Variants in DOCK10 observed in about 807,000 individuals in gnomAD.
The protein encoded by DOCK10 is dedicator of cytokinesis protein 10.
Under a neutral mutation model 280.1 loss-of-function variants are expected in DOCK10, and 145 were observed. The observed-to-expected ratio is 0.52, with a 90% CI of 0.45 to 0.59. The LOEUF is 0.59. DOCK10 is among the 20% of genes least tolerant of loss of function. DOCK10 has a pLI of 0.00. For missense variants in DOCK10, 2,368 were observed against 2,651.7 expected (o/e 0.89, Z 2.35); for synonymous variants, 915 against 942.2 (o/e 0.97, Z 0.53).
In DOCK10 at chr2:224,916,678, G is replaced by C. The variant is rs1575052510; in HGVS notation, c.333+17C>G. The C allele has an allele frequency of 1.3e-6, 2 of 1,577,748 alleles. No individual in the cohort carries two copies. Among genetic ancestry groups the C allele is most frequent in the East Asian group, 2.3e-5 (1 of 44,324 alleles). On this transcript the variant is annotated intron_variant, in intron 3 of 55. Coordinates refer to ENST00000258390, the MANE Select transcript of DOCK10 (RefSeq NM_014689.3). ...AGCAAAAGCCTTAAAATAAAGCATT[G>C]GAAGCATCACATTTACCTCCTTAAC... is the stretch of plus-strand genomic sequence containing the variant.
chr2:224,840,264 C>G (rs552774392), intron 23 of DOCK10, 192 bp from the exon 24 acceptor site: 36 of 479,688 alleles, frequency 7.5e-5, no homozygotes, highest in African/African-American at 6.7e-4. Flanking sequence ...AATGGCATAT[C>G]AAACTAAAAG....
intron 1 of DOCK10, among the ~76,000 whole-genome samples, chr2:224,984,311 A>T (rs528036789): frequency 3.3e-5 from 5 of 152,286 alleles, no homozygotes; most frequent in African/African-American, 1.2e-4. Context: ...TTCACATCCT[A>T]AACTCCTCTC....
At chr2:224,849,696 A>G in intron 18 of DOCK10, 97 bp from the exon 19 acceptor site, 3 of 796,706 alleles carry the variant, frequency 3.8e-6, no homozygotes, top group Non-Finnish European at 6.2e-6. Flanking sequence ...CCCTGGGACA[A>G]TGGCAAACTT....
intron 1 of DOCK10, among the ~76,000 whole-genome samples, chr2:224,964,045 T>G (rs750390579): frequency 1.3e-5 from 2 of 152,030 alleles, no homozygotes; most frequent in Non-Finnish European, 2.9e-5. Flanking sequence ...CATGTTATAT[T>G]TTCGAAATAC....
At chr2:224,942,159 G>T (rs111870537) in intron 1 of DOCK10, among the ~76,000 whole-genome samples, 67 of 152,288 alleles carry the variant, frequency 4.4e-4, no homozygotes, top group African/African-American at 1.6e-3. Flanking sequence ...GCTAGGGAAA[G>T]GAAGACCATT....
At chr2:225,025,938 T>C (rs1401033672) in intron 1 of DOCK10, among the ~76,000 whole-genome samples, 1 of 152,086 alleles carries the variant, frequency 6.6e-6, no homozygotes, top group Admixed American at 6.5e-5. Flanking sequence ...ACTAAATAAT[T>C]ACAATAAAAA....
At chr2:224,826,854 T>G (rs1332759268) in intron 27 of DOCK10, among the ~76,000 whole-genome samples, 2 of 152,042 alleles carry the variant, frequency 1.3e-5, no homozygotes, top group Admixed American at 1.3e-4. Flanking sequence ...TCCCAGCTAC[T>G]AGGGATGCTG....
intron 1 of DOCK10, among the ~76,000 whole-genome samples, chr2:224,968,415 C>T (rs1209592632): frequency 6.6e-6 from 1 of 152,230 alleles, no homozygotes; most frequent in African/African-American, 2.4e-5. Flanking sequence ...CAGTTCTCAT[C>T]TCCTGCAACC....
chr2:224,879,755 T>C (rs1698867825), intron 7 of DOCK10, among the ~76,000 whole-genome samples: 1 of 151,246 alleles, frequency 6.6e-6, no homozygotes, highest in East Asian at 1.9e-4. Context: ...CGAGTCTCTG[T>C]CTCAAAATAA....
intron 1 of DOCK10, among the ~76,000 whole-genome samples, chr2:224,972,979 A>G (rs1705182863): frequency 6.6e-6 from 1 of 152,212 alleles, no homozygotes; most frequent in African/African-American, 2.4e-5. Flanking sequence ...TCTCATAAAT[A>G]AGCTAACTTT....
At chr2:224,809,053 A>G (rs1216479524) in intron 31 of DOCK10, among the ~76,000 whole-genome samples, 4 of 152,110 alleles carry the variant, frequency 2.6e-5, no homozygotes, top group African/African-American at 7.2e-5. Context: ...GACACTGCCA[A>G]ATTTTGAGCC....
At chr2:224,968,919 A>G (rs1444120791) in intron 1 of DOCK10, among the ~76,000 whole-genome samples, 1 of 152,222 alleles carries the variant, frequency 6.6e-6, no homozygotes, top group African/African-American at 2.4e-5. Context: ...ACAGACACAC[A>G]CTTAGAACTA....
At chr2:224,794,466 A>G (rs1292707670) in intron 45 of DOCK10, among the ~76,000 whole-genome samples, 2 of 152,234 alleles carry the variant, frequency 1.3e-5, no homozygotes, top group African/African-American at 2.4e-5. Context: ...GCTGTAAATG[A>G]GGACTGATTC....
At position 224,814,536 on chromosome 2, in the gene DOCK10, T is replaced by G. The variant is rs187707492; in HGVS notation, c.3365-172A>C. ...GTCTTAGGTTATTTGTTTCCTTTTTTTTTGAAACAGAATCTGGCTCTGTCG... is the reference window on the plus strand; with the variant it reads ...GTCTTAGGTTATTTGTTTCCTTTTTGTTTGAAACAGAATCTGGCTCTGTCG... On this transcript the variant is annotated intron_variant, in intron 30 of 55. Transcript: ENST00000258390. Among the ~76,000 whole-genome samples the G allele has an allele frequency of 9.8e-5, 15 of 152,330 alleles. No homozygotes were observed. In the East Asian group the frequency reaches 1.7e-3, roughly 18 times the overall value.
chr2:224,910,529 A>G (rs1329666150), intron 3 of DOCK10, among the ~76,000 whole-genome samples: 1 of 152,178 alleles, frequency 6.6e-6, no homozygotes, highest in African/African-American at 2.4e-5. Flanking sequence ...TAATATTTCT[A>G]TGACATAGTT....
At chr2:224,887,012 C>T (rs1225561504) in intron 4 of DOCK10, among the ~76,000 whole-genome samples, 2 of 152,096 alleles carry the variant, frequency 1.3e-5, no homozygotes, top group Non-Finnish European at 2.9e-5. Flanking sequence ...ATCCTCCCAC[C>T]TCAGTCTCCC....
At chr2:225,017,786 C>T (rs114681548) in intron 1 of DOCK10, among the ~76,000 whole-genome samples, 148 of 151,494 alleles carry the variant, frequency 9.8e-4, no homozygotes, top group African/African-American at 3.3e-3. Flanking sequence ...TCTCCACTAA[C>T]GTAGTTAGGT....
At chr2:224,969,645 G>A (rs897156037) in intron 1 of DOCK10, among the ~76,000 whole-genome samples, 5 of 152,126 alleles carry the variant, frequency 3.3e-5, no homozygotes, top group Admixed American at 3.3e-4. Flanking sequence ...AATTTTCAGA[G>A]CTAAAAGGAA....
Position 224,805,315 on chromosome 2 carries a change from T to A in DOCK10, c.3942A>T (p.Pro1314=). Residue 1314 remains proline (P), a synonymous_variant, in exon 36 of 56, where the codon CCA becomes CCT. Transcript: ENST00000258390. The surrounding 1 kb of genome is among the most constrained non-coding windows in gnomAD (Gnocchi z 4.3). ...SEKTDNCEKI[P]RPLSLIGSTL... is the part of the protein sequence containing the mutation. ...TTGAGCCAATCAAAGACAAGGGTCT[T>A]GGGATCTGGGAATTCAAGAACCAAT... 1 of 1,612,942 alleles carries A rather than the reference T, an allele frequency of 6.2e-7. No individual in the cohort carries two copies.
Sources: gnomAD v4.1 joint callset for allele counts (sites outside exome capture counted in the v4.1 genomes callset) on GRCh38, gnomAD v4.1.1 for gene constraint, Gnocchi (gnomAD v3.1) non-coding constraint, MANE v1.5 for transcripts, NCBI Gene and HGNC (gene_info 2026-07-23, HGNC 2026-07-21) for gene names.